The following HMGN5 variants were observed in gnomAD, a reference collection of about 807,000 sequenced individuals.
HMGN5 encodes the protein high mobility group nucleosome binding domain 5.
Under a neutral mutation model 9.5 loss-of-function variants are expected in HMGN5, and 4 were observed. The observed-to-expected ratio is 0.42, with a 90% CI of 0.21 to 0.96. The LOEUF is 0.96. Ranked by LOEUF, HMGN5 falls within the 40% of genes least tolerant of loss-of-function variation. HMGN5 has a pLI of 0.30. For missense variants in HMGN5, 192 were observed against 187.5 expected (o/e 1.02, Z -0.14); for synonymous variants, 55 against 57.1 (o/e 0.96, Z 0.16).
chrX:81,131,176 T>A (rs909753577), intron 1 of HMGN5, among the ~76,000 whole-genome samples: 2 of 111,649 alleles, frequency 1.8e-5, no homozygotes, highest in African/African-American at 6.5e-5. Flanking sequence ...TGCCAGTGTG[T>A]CCCCGCAAAT....
At chrX:81,121,991 C>T (rs2075270483) in intron 1 of HMGN5, among the ~76,000 whole-genome samples, 1 of 111,745 alleles carries the variant, frequency 8.9e-6, no homozygotes, top group African/African-American at 3.2e-5. Context: ...CAGGCGAAAG[C>T]CACAACAGTT....
intron 1 of HMGN5, among the ~76,000 whole-genome samples, chrX:81,179,639 A>G (rs754920006): frequency 1.8e-5 from 2 of 112,018 alleles, no homozygotes; most frequent in South Asian, 7.5e-4. Context: ...AAGATAATTT[A>G]TAGATTCAAT....
intron 1 of HMGN5, among the ~76,000 whole-genome samples, chrX:81,164,116 T>A (rs914906025): frequency 9.0e-6 from 1 of 111,669 alleles, no homozygotes; most frequent in African/African-American, 3.3e-5. Context: ...GCTGTCTTTA[T>A]GTGTTACTGT....
chrX:81,157,019 A>G (rs2075384871), intron 1 of HMGN5, among the ~76,000 whole-genome samples: 1 of 111,837 alleles, frequency 8.9e-6, no homozygotes, highest in Non-Finnish European at 1.9e-5. Context: ...CTACCCTAGT[A>G]GATTCTTATA....
At chrX:81,192,028 G>A (rs1433705860) in intron 1 of HMGN5, among the ~76,000 whole-genome samples, 1 of 111,397 alleles carries the variant, frequency 9.0e-6, no homozygotes, top group East Asian at 2.8e-4. Context: ...ACTGCATTAT[G>A]TTCTCCTTCA....
intron 1 of HMGN5, among the ~76,000 whole-genome samples, chrX:81,146,124 G>A (rs1174861675): frequency 9.0e-6 from 1 of 111,338 alleles, no homozygotes; most frequent in East Asian, 2.8e-4. Context: ...TATCCAGGAT[G>A]TGAACTCAGC....
chrX:81,121,665 A>T lies in HMGN5; in HGVS notation c.-116T>A. 1 of 476,215 alleles carries T rather than the reference A, an allele frequency of 2.1e-6. No homozygotes were observed. The highest frequency in any genetic ancestry group is 2.6e-5 in the African/African-American group (1 of 39,075). The allele number at this position is 476,215 out of a possible 1,213,427, so 39.2% of individuals were successfully genotyped here. On this transcript the variant is annotated 5_prime_UTR_variant, in exon 2 of 7. Transcript: ENST00000358130. ...ATGAACTAACTGCAGCACGACCTGT[A>T]CTCTCCTCTGGAAAAAAAAAAAATC...
chrX:81,169,760 G>A (rs1401863972), intron 1 of HMGN5, among the ~76,000 whole-genome samples: 1 of 111,372 alleles, frequency 9.0e-6, no homozygotes, highest in Non-Finnish European at 1.9e-5. Flanking sequence ...AGCAGCCTTA[G>A]TATAAAAATA....
intron 1 of HMGN5, among the ~76,000 whole-genome samples, chrX:81,200,825 GTGCACA>G (rs1214555598): frequency 9.0e-6 from 1 of 111,109 alleles, no homozygotes; most frequent in African/African-American, 3.3e-5. Context: ...CCTGCACGTT[GTGCACA>G]TGTACCCTAG....
intron 2 of HMGN5, 83 bp downstream of exon 2, chrX:81,121,452 A>G (rs903117773): frequency 9.7e-7 from 1 of 1,029,008 alleles, no homozygotes; most frequent in Non-Finnish European, 1.4e-6. Flanking sequence ...TTTAAAAAAA[A>G]CCAAACAAAC....
intron 1 of HMGN5, among the ~76,000 whole-genome samples, chrX:81,172,000 C>A (rs1257449354): frequency 9.0e-6 from 1 of 111,552 alleles, no homozygotes; most frequent in Non-Finnish European, 1.9e-5. Context: ...AAACAAATTA[C>A]TTCTTATGAA....
chrX:81,166,387 GTATGTATGCA>G (rs1275252670), intron 1 of HMGN5, among the ~76,000 whole-genome samples: 1 of 111,539 alleles, frequency 9.0e-6, no homozygotes, highest in Non-Finnish European at 1.9e-5. Context: ...TTCTATTTGT[GTATGTATGCA>G]TATGCATAGT....
intron 1 of HMGN5, among the ~76,000 whole-genome samples, chrX:81,147,930 GT>G (rs1280853208): frequency 9.0e-6 from 1 of 111,711 alleles, no homozygotes; most frequent in Non-Finnish European, 1.9e-5. Context: ...TACAGGGGAT[GT>G]GAAGGACCTG....
intron 5 of HMGN5, among the ~76,000 whole-genome samples, chrX:81,117,748 C>A (rs1453630416): frequency 9.0e-6 from 1 of 110,618 alleles, no homozygotes; most frequent in Non-Finnish European, 1.9e-5. Context: ...TAAAGGATTT[C>A]ATTTATGAAC....
intron 1 of HMGN5, among the ~76,000 whole-genome samples, chrX:81,162,624 C>T (rs926321691): frequency 9.0e-6 from 1 of 111,356 alleles, no homozygotes; most frequent in Admixed American, 9.6e-5. Context: ...CTAGGCCTGG[C>T]CCCATAATTT....
intron 1 of HMGN5, among the ~76,000 whole-genome samples, chrX:81,174,896 TATAA>T (rs1309562855): frequency 9.0e-6 from 1 of 111,384 alleles, no homozygotes; most frequent in Non-Finnish European, 1.9e-5. Context: ...TCCAAAAACT[TATAA>T]ATAGACTCTG....
chrX:81,140,289 G>A (rs915505657), intron 1 of HMGN5, among the ~76,000 whole-genome samples: 30 of 111,198 alleles, frequency 2.7e-4, no homozygotes, highest in Non-Finnish European at 3.4e-4. Context: ...GGCCGCGTGC[G>A]GTGACTCACG....
intron 1 of HMGN5, among the ~76,000 whole-genome samples, chrX:81,166,821 A>T (rs2075412430): frequency 9.0e-6 from 1 of 111,545 alleles, no homozygotes; most frequent in Non-Finnish European, 1.9e-5. Context: ...GAAAGGTTCA[A>T]GCAAAGTCTC....
intron 1 of HMGN5, among the ~76,000 whole-genome samples, chrX:81,174,956 TA>T (rs377122372): frequency 5.7e-4 from 63 of 110,967 alleles, no homozygotes; most frequent in African/African-American, 1.9e-3. Context: ...CTGTACAAGG[TA>T]GGGGGGAACA....
Sources: allele counts gnomAD v4.1 joint callset (sites outside exome capture counted in the v4.1 genomes callset), GRCh38; gene constraint gnomAD v4.1.1; transcripts MANE v1.5; gene names NCBI Gene and HGNC (gene_info 2026-07-23, HGNC 2026-07-21).